Variants in AUTS2 observed in about 807,000 individuals in gnomAD.
AUTS2 encodes the protein autism susceptibility gene 2 protein.
Under a neutral mutation model 112.4 loss-of-function variants are expected in AUTS2, and 17 were observed. The observed-to-expected ratio is 0.15, with a 90% confidence interval of 0.10 to 0.23. The LOEUF (loss-of-function observed/expected upper bound fraction) is 0.23. Among genes scored for constraint, AUTS2 ranks in the 10% least tolerant of loss-of-function variants. The pLI, the probability that AUTS2 is intolerant of heterozygous loss-of-function variation, is 1.00. For synonymous variants in AUTS2, 751 were observed against 702.7 expected (o/e 1.07, Z -1.09); for missense variants, 1,510 against 1,701.6 (o/e 0.89, Z 1.98).
chr7:70,511,943 T>C (rs1002308995), intron 5 of AUTS2, among the ~76,000 whole-genome samples: 1 of 152,288 alleles, frequency 6.6e-6, no homozygotes, highest in African/African-American at 2.4e-5. Context: ...GATTGATAAA[T>C]TAAAGGTCAG....
intron 1 of AUTS2, among the ~76,000 whole-genome samples, chr7:69,808,522 A>AT (rs1399747677): frequency 5.3e-5 from 8 of 151,882 alleles, no homozygotes; most frequent in Non-Finnish European, 1.5e-5. Context: ...TAAAAAAAAA[A>AT]TTTTTTTTCA....
chr7:70,648,497 A>G (rs1259135485), intron 5 of AUTS2, among the ~76,000 whole-genome samples: 1 of 152,254 alleles, frequency 6.6e-6, no homozygotes, highest in Non-Finnish European at 1.5e-5. Flanking sequence ...CATTCATATC[A>G]TGAAGCACAA....
chr7:69,602,034 ATATATATGTGTGTGTG>A (rs1792448076), intron 1 of AUTS2, among the ~76,000 whole-genome samples: 1 of 131,200 alleles, frequency 7.6e-6, no homozygotes, highest in Non-Finnish European at 1.6e-5. Context: ...ATATATATAT[ATATATATGTGTGTGTG>A]TGTGTGTGTG....
intron 1 of AUTS2, among the ~76,000 whole-genome samples, chr7:69,810,152 C>T (rs1486640093): frequency 1.3e-5 from 2 of 152,150 alleles, no homozygotes; most frequent in Admixed American, 1.3e-4. Flanking sequence ...CCCACCATGC[C>T]CACCTCTCTT....
chr7:70,337,145 C>T (rs142488806), intron 4 of AUTS2, among the ~76,000 whole-genome samples: 64 of 152,240 alleles, frequency 4.2e-4, no homozygotes, highest in African/African-American at 1.4e-3. Flanking sequence ...CCCATGGCAC[C>T]GTTTGCTGCT....
intron 5 of AUTS2, among the ~76,000 whole-genome samples, chr7:70,599,834 C>T (rs577961980): frequency 4.6e-5 from 7 of 152,334 alleles, no homozygotes; most frequent in Middle Eastern, 6.8e-3. Context: ...GGCCTTTCAA[C>T]TCACTGCAGA....
At position 70,695,362 on chromosome 7, in the gene AUTS2, G is replaced by A. The variant is rs1585522181; in HGVS notation, c.691-3207G>A. On this transcript the variant is annotated intron_variant, in intron 5 of 18. Coordinates refer to ENST00000342771, the MANE Select transcript of AUTS2 (RefSeq NM_015570.4). ...ATGTGAGGAGGGGGCCGGGGCCTGC[G>A]TCCGCTTGAGCTGGGGGCCCTAGCG... Among the ~76,000 whole-genome samples, 4 of 152,366 alleles carry A rather than the reference G, an allele frequency of 2.6e-5. No homozygotes were observed. In the East Asian group the frequency reaches 7.7e-4, roughly 29 times the overall value.
At position 70,609,593 on chromosome 7, in the gene AUTS2, G is replaced by GTT. The variant is rs1563074187; in HGVS notation, c.691-88975_691-88974dup. The stretch of plus-strand genomic sequence containing the variant: ...TTTTTTTGTTTTGTTTTTTTTTTTT[G>GTT]TTGTTTTGTTTTTTTAGTAGAGACA... On this transcript the variant is annotated intron_variant, in intron 5 of 18. Coordinates refer to ENST00000342771, the MANE Select transcript of AUTS2 (RefSeq NM_015570.4). Among the ~76,000 whole-genome samples, 475 of 141,110 alleles carry GTT rather than the reference G, an allele frequency of 3.4e-3. 4 individuals carry two copies. The highest frequency in any genetic ancestry group is 0.013 in the African/African-American group (453 of 36,122). The allele number at this position is 141,110 out of a possible 152,430, so 92.6% of individuals were successfully genotyped here.
At chr7:70,350,413 T>G (rs1019499790) in intron 4 of AUTS2, among the ~76,000 whole-genome samples, 1 of 152,206 alleles carries the variant, frequency 6.6e-6, no homozygotes, top group Non-Finnish European at 1.5e-5. Flanking sequence ...AGAGGTTTAA[T>G]GGACTCAGTT....
chr7:70,114,494 A>G (rs1805253166), intron 2 of AUTS2, among the ~76,000 whole-genome samples: 1 of 152,218 alleles, frequency 6.6e-6, no homozygotes, highest in Non-Finnish European at 1.5e-5. Context: ...CTAAAATGCT[A>G]GTTTGAAACT....
At chr7:70,413,596 C>T (rs931304052) in intron 4 of AUTS2, among the ~76,000 whole-genome samples, 1 of 152,138 alleles carries the variant, frequency 6.6e-6, no homozygotes, top group East Asian at 1.9e-4. Context: ...GGTATAAACC[C>T]GCAATGTCTT....
chr7:69,628,972 A>T (rs1452300917), intron 1 of AUTS2, among the ~76,000 whole-genome samples: 1 of 152,228 alleles, frequency 6.6e-6, no homozygotes, highest in Non-Finnish European at 1.5e-5. Flanking sequence ...CATTTGCGTA[A>T]ACCATTTCAT....
intron 1 of AUTS2, among the ~76,000 whole-genome samples, chr7:69,623,354 C>G (rs1301519463): frequency 6.9e-6 from 1 of 144,302 alleles, no homozygotes; most frequent in Non-Finnish European, 1.5e-5. Context: ...TCCCAAAAAG[C>G]TGGGACTACC....
chr7:70,652,037 G>A (rs886398944), intron 5 of AUTS2, among the ~76,000 whole-genome samples: 1 of 152,102 alleles, frequency 6.6e-6, no homozygotes, highest in Admixed American at 6.5e-5. Context: ...ACGCCGTCAC[G>A]GTTGCACGTT....
chr7:70,439,730 G>C (rs1277667735), intron 5 of AUTS2, among the ~76,000 whole-genome samples: 1 of 152,094 alleles, frequency 6.6e-6, no homozygotes, highest in Non-Finnish European at 1.5e-5. Flanking sequence ...GGTATCATGA[G>C]AACAAAGAGG....
intron 2 of AUTS2, among the ~76,000 whole-genome samples, chr7:70,015,292 G>A (rs11769390): frequency 6.6e-6 from 1 of 152,112 alleles, no homozygotes; most frequent in Non-Finnish European, 1.5e-5. Flanking sequence ...TGAGCCAGGT[G>A]TTATACTTTA....
rs1372293569 is a variant in AUTS2, at chr7:70,241,981, T to C, written c.660+107410T>C. Among the ~76,000 whole-genome samples the C allele has an allele frequency of 2.6e-5, 4 of 152,170 alleles. No homozygotes were observed. In the South Asian group the frequency reaches 6.2e-4, roughly 24 times the overall value. ...TGCCAGAGGTCCTATTTTCCTGTGG[T>C]CAAAACAACCTGTTCAGTTTGGATA... On this transcript the variant is annotated intron_variant, in intron 4 of 18. Transcript: ENST00000342771.
intron 18 of AUTS2, among the ~76,000 whole-genome samples, chr7:70,788,909 C>CATT (rs965126489): frequency 1.7e-4 from 26 of 152,290 alleles, no homozygotes; most frequent in African/African-American, 4.8e-4. Context: ...ATTGTCATTC[C>CATT]ATTTGTTTTT....
intron 4 of AUTS2, among the ~76,000 whole-genome samples, chr7:70,319,509 T>C (rs1216914049): frequency 6.6e-6 from 1 of 152,208 alleles, no homozygotes; most frequent in African/African-American, 2.4e-5. Flanking sequence ...GTAGGATTAC[T>C]GTAGTGAGAC....
Sources: allele counts gnomAD v4.1 joint callset (sites outside exome capture counted in the v4.1 genomes callset), GRCh38; gene constraint gnomAD v4.1.1; transcripts MANE v1.5; gene names NCBI Gene and HGNC (gene_info 2026-07-23, HGNC 2026-07-21).